Variants in EIF4B observed in about 807,000 individuals in gnomAD.
The protein encoded by EIF4B is eukaryotic translation initiation factor 4B.
A neutral mutation model predicts 79.3 loss-of-function variants in EIF4B; 8 were observed. That is an observed-to-expected ratio of 0.10 (90% CI 0.06 to 0.18). The LOEUF (loss-of-function observed/expected upper bound fraction) is 0.18. Among genes scored for constraint, EIF4B ranks in the 10% least tolerant of loss-of-function variants. The probability of loss-of-function intolerance (pLI) is 1.00; values close to 1 mark genes in which losing one functional copy is unlikely to be tolerated. For missense variants in EIF4B, 515 were observed against 792.4 expected (o/e 0.65, Z 4.20); for synonymous variants, 238 against 274.7 (o/e 0.87, Z 1.32).
At position 53,023,964 on chromosome 12, in the gene EIF4B, G is replaced by C. The variant is rs114472982; in HGVS notation, c.667+1337G>C. ...TAGCAGTGAACAAAGATACAGCAGT[G>C]TAATTTTTTTCTAATAAAAATTGAT... On this transcript the variant is annotated intron_variant, in intron 6 of 14. Coordinates refer to ENST00000262056, the MANE Select transcript of EIF4B (RefSeq NM_001417.7). 4.6e-3 allele frequency among the ~76,000 whole-genome samples: 706 copies of C among 152,266 alleles called. 6 individuals are homozygous for C. The highest frequency in any genetic ancestry group is 0.016 in the African/African-American group (674 of 41,546).
chr12:53,009,451 C>T (rs796965151), intron 1 of EIF4B, among the ~76,000 whole-genome samples: 11 of 151,694 alleles, frequency 7.3e-5, no homozygotes, highest in African/African-American at 2.4e-4. Flanking sequence ...ATTGAGATTG[C>T]ACCACTGCCC....
chr12:53,041,324 C>G lies in EIF4B; in HGVS notation c.*1101C>G, dbSNP rs1361943530. On this transcript the variant is annotated 3_prime_UTR_variant, in exon 15 of 15. Transcript: ENST00000262056. ...TGATGCTTGGACCCCTTTTATTGAT[C>G]AGAGTGCTCTAGAATAATGGATGGT... 1 of 152,110 alleles carries G rather than the reference C, an allele frequency of 6.6e-6. No individual in the cohort carries two copies. 9.4% of individuals were successfully genotyped at this position (152,110 alleles called of 1,614,324 possible). A position where few individuals can be genotyped will look rare whatever the true frequency, so the allele number is the denominator to read the frequency against.
At chr12:53,039,077 G>C (rs1261112279) in intron 12 of EIF4B, 161 bp from the exon 13 acceptor site, 1 of 580,108 alleles carries the variant, frequency 1.7e-6, no homozygotes, top group African/African-American at 1.9e-5. Flanking sequence ...TGCTGTAGAG[G>C]ATGTGGAAAG....
rs1418500159 is a variant in EIF4B, at chr12:53,041,981, C to G, written c.*1758C>G. The G allele has an allele frequency of 1.3e-5, 2 of 152,488 alleles. No homozygotes were observed. Among genetic ancestry groups the G allele is most frequent in the Admixed American group, 1.3e-4 (2 of 15,260 alleles). The allele number at this position is 152,488 out of a possible 1,614,324, so 9.4% of individuals were successfully genotyped here. A position where few individuals can be genotyped will look rare whatever the true frequency, so the allele number is the denominator to read the frequency against. On this transcript the variant is annotated 3_prime_UTR_variant, in exon 15 of 15. Transcript: ENST00000262056. ...CTACTCTCCTTCCAAATAGTTATAT[C>G]CAAAACTGTTTTTCCCTCTCCCCTA... is the stretch of plus-strand genomic sequence containing the variant.
Position 53,039,727 on chromosome 12 carries a change from T to G in EIF4B, c.1755+25T>G, listed in dbSNP as rs73098028. 5.0e-6 allele frequency: 8 copies of G among 1,600,368 alleles called. No homozygotes were observed. The South Asian group carries it at 6.7e-5, about 13-fold the overall frequency. ...CGTAAGTGTTGAAGGCTGCTCCCAA[T>G]TTTTCATTCTAAGAAAAATTCTTAG... On this transcript the variant is annotated intron_variant, in intron 14 of 14. Transcript: ENST00000262056.
intron 1 of EIF4B, among the ~76,000 whole-genome samples, chr12:53,013,068 T>C (rs1297408278): frequency 6.6e-6 from 1 of 152,240 alleles, no homozygotes; most frequent in Non-Finnish European, 1.5e-5. Flanking sequence ...AGAAACTTGT[T>C]TGTCAAAGGA....
Position 53,018,709 on chromosome 12 carries a change from A to C in EIF4B, c.152-89A>C, listed in dbSNP as rs76982541. The C allele has an allele frequency of 1.1e-3, 1,620 of 1,478,066 alleles. 14 individuals carry two copies. The African/African-American group carries it at 0.021, about 19-fold the overall frequency. The allele number at this position is 1,478,066 out of a possible 1,614,324, so 91.6% of individuals were successfully genotyped here. A position where few individuals can be genotyped will look rare whatever the true frequency, so the allele number is the denominator to read the frequency against. ...CTGGTTTTCTTGTATAGCATGTTTAATATTTGGCAATTAACATGGGTCCTC... is the reference window on the plus strand; with the variant it reads ...CTGGTTTTCTTGTATAGCATGTTTACTATTTGGCAATTAACATGGGTCCTC... On this transcript the variant is annotated intron_variant, in intron 2 of 14. Transcript: ENST00000262056.
In EIF4B at chr12:53,027,854, G is replaced by A. The variant is rs748695673; in HGVS notation, c.740G>A (p.Arg247Gln). Residue 247 changes from arginine (R) to glutamine (Q), a missense_variant, in exon 7 of 15, where the codon CGG (arginine) becomes CAG (glutamine). By Grantham distance (43) the Arg-to-Gln change is conservative. Around this residue, in one of 6 missense-constraint regions of EIF4B, gnomAD observed 187 missense variants for 256.5 expected, o/e 0.73. Coordinates refer to ENST00000262056, the MANE Select transcript of EIF4B (RefSeq NM_001417.7). ...YRDGYRDGPR[R>Q]DMDRYGGRDR... ...GATGGGTATCGGGATGGCCCACGCC[G>A]GGATATGGATCGATATGGTGGCCGG... The A allele has an allele frequency of 8.4e-5, 135 of 1,614,120 alleles. No individual in the cohort carries two copies. Among genetic ancestry groups the A allele is most frequent in the Admixed American group, 4.3e-4 (26 of 60,008 alleles).
intron 8 of EIF4B, 60 bp from the exon 9 acceptor site, chr12:53,033,746 C>T (rs1257813314): frequency 7.3e-6 from 11 of 1,511,836 alleles, no homozygotes; most frequent in African/African-American, 1.4e-5. Flanking sequence ...AGAAATCTGG[C>T]TTTCAGCCAT....
intron 10 of EIF4B, 134 bp from the exon 11 acceptor site, chr12:53,037,275 C>T: frequency 1.1e-6 from 1 of 918,866 alleles, no homozygotes. Context: ...TACTTGTAAA[C>T]CACTGGTTTA....
Position 53,019,985 on chromosome 12 carries a change from G to A in EIF4B, c.436G>A (p.Asp146Asn), listed in dbSNP as rs753264550. ...LKGFGYAEFE[D>N]LDSLLSALSL... ...AGGTTTTGGTTATGCTGAATTTGAG[G>A]ACCTGGATTCCCTGCTCAGTGCCCT... Residue 146 changes from aspartate (D) to asparagine (N), a missense_variant, in exon 4 of 15, where the codon GAC becomes AAC. Asp to Asn is a conservative substitution (Grantham distance 23). This residue lies in a region of EIF4B where 16 missense variants were observed against 54.0 expected (regional missense o/e 0.30). Coordinates refer to ENST00000262056, the MANE Select transcript of EIF4B (RefSeq NM_001417.7). 1.2e-6 allele frequency: 2 copies of A among 1,612,444 alleles called. No homozygotes were observed. The highest frequency in any genetic ancestry group is 3.4e-5 in the Admixed American group (2 of 59,452).
At chr12:53,038,459 A>G in intron 12 of EIF4B, 48 bp downstream of exon 12, 1 of 1,515,892 alleles carries the variant, frequency 6.6e-7, no homozygotes, top group Non-Finnish European at 8.9e-7. Flanking sequence ...AAGCCTAAAT[A>G]AAAAGGCCTC....
chr12:53,041,950 TC>T lies in EIF4B; in HGVS notation c.*1728del. Reference sequence around the variant, plus strand: ...AATGAAAAGCTAGGGTTTGCCCTCTTCATGTCTACTCTCCTTCCAAATAGTT... The same window carrying T: ...AATGAAAAGCTAGGGTTTGCCCTCTTATGTCTACTCTCCTTCCAAATAGTT... On this transcript the variant is annotated 3_prime_UTR_variant, in exon 15 of 15. Coordinates refer to ENST00000262056, the MANE Select transcript of EIF4B (RefSeq NM_001417.7). 2 of 152,738 alleles carry T rather than the reference TC, an allele frequency of 1.3e-5. No homozygotes were observed. The highest frequency in any genetic ancestry group is 4.1e-4 in the South Asian group (2 of 4,824). 9.5% of individuals were successfully genotyped at this position (152,738 alleles called of 1,614,324 possible).
intron 1 of EIF4B, among the ~76,000 whole-genome samples, chr12:53,011,026 T>G (rs571298165): frequency 1.8e-4 from 28 of 152,248 alleles, no homozygotes; most frequent in African/African-American, 6.5e-4. Flanking sequence ...CACTTTGGGA[T>G]GCCAAGGCAA....
At chr12:53,024,689 CTG>C (rs1169453980) in intron 6 of EIF4B, among the ~76,000 whole-genome samples, 1 of 152,196 alleles carries the variant, frequency 6.6e-6, no homozygotes, top group African/African-American at 2.4e-5. Flanking sequence ...CACAGTCTCT[CTG>C]TGTTGCCCAG....
At chr12:53,007,509 T>C (rs1942989239) in intron 1 of EIF4B, among the ~76,000 whole-genome samples, 1 of 150,164 alleles carries the variant, frequency 6.7e-6, no homozygotes, top group Admixed American at 6.7e-5. Context: ...TGGCTGGAGT[T>C]GCTTACTTCT....
At chr12:53,024,411 G>A (rs542740658) in intron 6 of EIF4B, among the ~76,000 whole-genome samples, 1 of 152,290 alleles carries the variant, frequency 6.6e-6, no homozygotes, top group South Asian at 2.1e-4. Context: ...TGCATAAGTT[G>A]TAAAATTATA....
chr12:53,019,441 TTTTTTTTTC>T (rs1943206931), intron 3 of EIF4B, among the ~76,000 whole-genome samples: 9 of 108,366 alleles, frequency 8.3e-5, no homozygotes, highest in South Asian at 3.3e-4. Context: ...ATATATATTT[TTTTTTTTTC>T]TTTTTTTTTT....
At chr12:53,007,050 G>A (rs1015554090) in intron 1 of EIF4B, among the ~76,000 whole-genome samples, 10 of 152,288 alleles carry the variant, frequency 6.6e-5, no homozygotes, top group African/African-American at 2.2e-4. Context: ...AGTAGAGACG[G>A]GCGCGCCTTC....
Sources: gnomAD v4.1 joint callset for allele counts (sites outside exome capture counted in the v4.1 genomes callset) on GRCh38, gnomAD v4.1.1 for gene constraint, gnomAD v4.1.1 regional missense constraint, MANE v1.5 for transcripts, NCBI Gene and HGNC (gene_info 2026-07-23, HGNC 2026-07-21) for gene names.